Variants in APBA1 observed in about 807,000 individuals in gnomAD.
APBA1 encodes the protein amyloid beta precursor protein binding family A member 1, also known as amyloid-beta A4 precursor protein-binding family A member 1.
A neutral mutation model predicts 86.6 loss-of-function variants in APBA1; 55 were observed. The ratio of observed to expected loss-of-function variants is 0.64; its 90% CI spans 0.51 to 0.80. The LOEUF (loss-of-function observed/expected upper bound fraction) is 0.80. APBA1 is among the 30% of genes least tolerant of loss of function. The pLI is 0.00. For missense variants in APBA1, 1,090 were observed against 1,183.0 expected (o/e 0.92, Z 1.15); for synonymous variants, 511 against 493.9 (o/e 1.03, Z -0.46).
At chr9:69,605,270 A>G (rs1052412175) in intron 1 of APBA1, among the ~76,000 whole-genome samples, 2 of 150,284 alleles carry the variant, frequency 1.3e-5, no homozygotes, top group Non-Finnish European at 3.0e-5. Context: ...CTTTACAGTA[A>G]AAAAAAAAAT....
chr9:69,454,312 T>G (rs879331310), intron 8 of APBA1, among the ~76,000 whole-genome samples: 7 of 152,208 alleles, frequency 4.6e-5, no homozygotes, highest in Admixed American at 2.6e-4. Context: ...GAGAGGTACA[T>G]GCAGACAAAC....
chr9:69,473,040 T>G (rs1261834616), intron 3 of APBA1, among the ~76,000 whole-genome samples: 1 of 152,214 alleles, frequency 6.6e-6, no homozygotes, highest in African/African-American at 2.4e-5. Flanking sequence ...ACCTGCTGCA[T>G]GTGTGCTCAC....
chr9:69,611,285 G>GAAAAA (rs56357426), intron 1 of APBA1, among the ~76,000 whole-genome samples: 14 of 111,906 alleles, frequency 1.3e-4, no homozygotes, highest in African/African-American at 2.0e-4. Context: ...ACCAGAAAAG[G>GAAAAA]AAAAAAAAAA....
chr9:69,432,446 G>A (rs1834617925), intron 12 of APBA1, 90 bp downstream of exon 12: 1 of 1,298,208 alleles, frequency 7.7e-7, no homozygotes, highest in South Asian at 2.3e-5. Flanking sequence ...GAGCTTTCCT[G>A]GAAGGTCTGC....
At chr9:69,485,784 C>A (rs937256403) in intron 2 of APBA1, among the ~76,000 whole-genome samples, 1 of 152,118 alleles carries the variant, frequency 6.6e-6, no homozygotes. Context: ...CAGCTACCAT[C>A]TAAGTTTTAC....
At chr9:69,621,182 G>C (rs774409815) in intron 1 of APBA1, among the ~76,000 whole-genome samples, 12 of 152,156 alleles carry the variant, frequency 7.9e-5, no homozygotes, top group Non-Finnish European at 1.6e-4. Flanking sequence ...CTAAAAATAC[G>C]GAAACCTAAA....
At chr9:69,440,055 C>A (rs796347994) in intron 11 of APBA1, among the ~76,000 whole-genome samples, 2 of 152,192 alleles carry the variant, frequency 1.3e-5, no homozygotes, top group Admixed American at 6.5e-5. Context: ...CCACTCCAGA[C>A]CCTGTTTGCC....
chr9:69,600,516 A>G (rs1326366901), intron 1 of APBA1, among the ~76,000 whole-genome samples: 1 of 152,034 alleles, frequency 6.6e-6, no homozygotes, highest in Non-Finnish European at 1.5e-5. Context: ...TAAAATAGGG[A>G]TGTTGGCTGG....
At chr9:69,498,323 C>G (rs1433072309) in intron 2 of APBA1, among the ~76,000 whole-genome samples, 1 of 152,086 alleles carries the variant, frequency 6.6e-6, no homozygotes, top group Non-Finnish European at 1.5e-5. Context: ...CCATGGGAAG[C>G]TGAGTCCTGC....
intron 1 of APBA1, among the ~76,000 whole-genome samples, chr9:69,634,271 GTGCTGCCTTGT>G (rs1374998346): frequency 6.6e-6 from 1 of 152,160 alleles, no homozygotes; most frequent in East Asian, 1.9e-4. Context: ...TTGAAACTCA[GTGCTGCCTTGT>G]TGCAGCAGAA....
chr9:69,574,732 C>T (rs1177616379), intron 1 of APBA1, among the ~76,000 whole-genome samples: 1 of 151,960 alleles, frequency 6.6e-6, no homozygotes, highest in Non-Finnish European at 1.5e-5. Context: ...AGTGAAAAAG[C>T]AGCAAAACAA....
chr9:69,465,932 C>T (rs556032442), intron 5 of APBA1, among the ~76,000 whole-genome samples: 1 of 152,206 alleles, frequency 6.6e-6, no homozygotes, highest in Non-Finnish European at 1.5e-5. Context: ...CCCTGACACA[C>T]GGAAGGAACT....
At chr9:69,646,444 C>T (rs1823391108) in intron 1 of APBA1, among the ~76,000 whole-genome samples, 1 of 152,114 alleles carries the variant, frequency 6.6e-6, no homozygotes, top group African/African-American at 2.4e-5. Flanking sequence ...AACTTCCTTG[C>T]CTTGGTCTGA....
chr9:69,530,679 C>T (rs1166225467), intron 1 of APBA1, among the ~76,000 whole-genome samples: 1 of 152,130 alleles, frequency 6.6e-6, no homozygotes, highest in East Asian at 1.9e-4. Context: ...GCAGTATACC[C>T]ATGTAACAAA....
In APBA1 at chr9:69,516,580, C is replaced by T. The variant is rs774645762; in HGVS notation, c.631G>A (p.Asp211Asn). ...TCCTGCTCGTAGAGCCGCAGGCCGT[C>T]GCGTGCGTCCAGCTCGGGCGCGTCC... is the stretch of plus-strand genomic sequence containing the variant. Reference protein sequence around the residue: ...IGDAPELDARDGLRLYEQERD... With the variant: ...IGDAPELDARNGLRLYEQERD... The change falls in exon 2 of 13, where the codon GAC becomes AAC. Residue 211 changes from aspartate (D) to asparagine (N), a missense_variant. Physicochemically the swap from Asp to Asn is conservative, Grantham distance 23. This residue lies in a region of APBA1 where 678 missense variants were observed against 647.1 expected (regional missense o/e 1.05). Transcript: ENST00000265381. This position sits in a 1 kb window ranked among gnomAD's most constrained non-coding sequence, Gnocchi z 7.3. The T allele has an allele frequency of 1.3e-5, 21 of 1,601,914 alleles. No homozygotes were observed. Among genetic ancestry groups the T allele is most frequent in the Middle Eastern group, 1.7e-4 (1 of 6,044 alleles).
rs1343436026 is a variant in APBA1 at position 69,482,830 on chromosome 9, T to C, written c.1201-6687A>G. 2.6e-5 allele frequency among the ~76,000 whole-genome samples: 4 copies of C among 151,686 alleles called. No homozygotes were observed. In the South Asian group the frequency reaches 6.2e-4, roughly 24 times the overall value. On this transcript the variant is annotated intron_variant, in intron 2 of 12. Coordinates refer to ENST00000265381, the MANE Select transcript of APBA1 (RefSeq NM_001163.4). ...TGAGTTCATGTCCTTTGTAGGGACA[T>C]GGATGAAATTGGAAATCATCATTCT...
chr9:69,617,638 GA>G (rs1410550811), intron 1 of APBA1, among the ~76,000 whole-genome samples: 1 of 151,468 alleles, frequency 6.6e-6, no homozygotes, highest in African/African-American at 2.4e-5. Context: ...ATGTCATGGG[GA>G]AAAAAAACGG....
intron 1 of APBA1, among the ~76,000 whole-genome samples, chr9:69,626,106 A>C (rs1304698876): frequency 6.6e-6 from 1 of 152,152 alleles, no homozygotes; most frequent in Non-Finnish European, 1.5e-5. Context: ...TGAGGTTACT[A>C]TTTTTCTAGA....
chr9:69,457,052 C>T lies in APBA1; in HGVS notation c.1602+1G>A. The T allele has an allele frequency of 6.2e-7, 1 of 1,613,574 alleles. No homozygotes were observed. Among genetic ancestry groups the T allele is most frequent in the Non-Finnish European group, 8.5e-7 (1 of 1,179,486 alleles). ...TGGGAAAGGTGGAAGCCAGCTGATA[C>T]CTGTGTGTCGGCGTTCAGCACTTTG... On this transcript the variant is annotated splice_donor_variant, in intron 7 of 12. Coordinates refer to ENST00000265381, the MANE Select transcript of APBA1 (RefSeq NM_001163.4). LOFTEE classifies it high-confidence loss of function.
Sources: allele counts gnomAD v4.1 joint callset (sites outside exome capture counted in the v4.1 genomes callset), GRCh38; gene constraint gnomAD v4.1.1; regional missense constraint gnomAD v4.1.1; non-coding constraint Gnocchi (gnomAD v3.1); transcripts MANE v1.5; gene names NCBI Gene and HGNC (gene_info 2026-07-23, HGNC 2026-07-21).